Variants in PADI2 observed in about 807,000 individuals in gnomAD.
PADI2 encodes protein-arginine deiminase type-2.
In PADI2, 70 loss-of-function variants were observed where a neutral mutation model predicts 81.1. The observed-to-expected ratio is 0.86, with a 90% CI of 0.71 to 1.05. The LOEUF is 1.05. PADI2 is among the 50% of genes least tolerant of loss of function. The pLI, the probability that PADI2 is intolerant of heterozygous loss-of-function variation, is 0.00. For missense variants in PADI2, 853 were observed against 889.9 expected (o/e 0.96, Z 0.53); for synonymous variants, 338 against 358.0 (o/e 0.94, Z 0.63).
intron 3 of PADI2, among the ~76,000 whole-genome samples, chr1:17,101,132 T>G (rs1202962049): frequency 6.6e-6 from 1 of 152,122 alleles, no homozygotes. Flanking sequence ...CTCGGAAGGA[T>G]GAACTTGGTC....
chr1:17,102,924 G>T, intron 3 of PADI2, 63 bp downstream of exon 3: 1 of 1,268,354 alleles, frequency 7.9e-7, no homozygotes, highest in Non-Finnish European at 1.1e-6. Context: ...GTGCCCCAGA[G>T]AAGGACAACA....
chr1:17,071,326 C>T (rs759456113), intron 14 of PADI2, 80 bp downstream of exon 14: 11 of 1,058,326 alleles, frequency 1.0e-5, no homozygotes, highest in African/African-American at 3.1e-5. Flanking sequence ...CCATTCTCTA[C>T]GGAAGCCCCA....
rs1570984716 is a variant in PADI2, at chr1:17,083,412, C to T, written c.1050+314G>A. The T allele has an allele frequency of 1.0e-5, 3 of 292,610 alleles. No homozygotes were observed. In the East Asian group the frequency reaches 2.2e-4, roughly 21 times the overall value. 18.1% of individuals were successfully genotyped at this position (292,610 alleles called of 1,614,324 possible). On this transcript the variant is annotated intron_variant, in intron 9 of 15. Coordinates refer to ENST00000375486, the MANE Select transcript of PADI2 (RefSeq NM_007365.3). ...TGTTTTCCGTTGAGTAACAACTTAA[C>T]TTGAAGCACATCCTGTATCCATATT...
intron 15 of PADI2, 49 bp downstream of exon 15, chr1:17,070,039 G>C (rs545443320): frequency 6.3e-7 from 1 of 1,583,074 alleles, no homozygotes; most frequent in East Asian, 2.3e-5. Flanking sequence ...TCTGGATCTG[G>C]CTGCCCTGTA....
chr1:17,075,214 C>A, intron 12 of PADI2: 1 of 412,110 alleles, frequency 2.4e-6, no homozygotes, highest in South Asian at 3.4e-5. Context: ...AGCAGCCACA[C>A]AATTTGCAGA....
chr1:17,088,981 C>G (rs957968959), intron 6 of PADI2, among the ~76,000 whole-genome samples: 1 of 150,422 alleles, frequency 6.6e-6, no homozygotes, highest in Admixed American at 6.6e-5. Flanking sequence ...GTTTACTCAT[C>G]TGTTAAGTGG....
intron 3 of PADI2, among the ~76,000 whole-genome samples, chr1:17,100,333 G>A (rs1242431231): frequency 2.6e-5 from 4 of 152,156 alleles, no homozygotes; most frequent in African/African-American, 4.8e-5. Flanking sequence ...CGCCGAGGCT[G>A]GAGTGCAGTG....
In PADI2 at chr1:17,115,310, G is replaced by A. The variant is rs75749608; in HGVS notation, c.92+3970C>T. Among the ~76,000 whole-genome samples the A allele has an allele frequency of 2.0e-5, 3 of 152,230 alleles. No homozygotes were observed. The highest frequency in any genetic ancestry group is 4.8e-5 in the African/African-American group (2 of 41,446). On this transcript the variant is annotated intron_variant, in intron 1 of 15. Coordinates refer to ENST00000375486, the MANE Select transcript of PADI2 (RefSeq NM_007365.3). This position sits in a 1 kb window ranked among gnomAD's most constrained non-coding sequence, Gnocchi z 4.1. ...ATCCTCCCACCTCCACCTCACAGAC[G>A]CAGCTGGAACCTCTGCACAGGCAAA... is the stretch of plus-strand genomic sequence containing the variant.
chr1:17,071,770 G>A (rs532253481), intron 13 of PADI2, among the ~76,000 whole-genome samples: 1 of 152,308 alleles, frequency 6.6e-6, no homozygotes, highest in African/African-American at 2.4e-5. Context: ...AGTGGGATCA[G>A]GGGTGCTACA....
rs1487146017 is a variant in PADI2 at position 17,115,935 on chromosome 1, G to A, written c.92+3345C>T. ...AGCAGTCAGAATGAGGCTAGGTCAA[G>A]GCATCCATCCCCAGGGGGGCCAGTT... is the stretch of plus-strand genomic sequence containing the variant. On this transcript the variant is annotated intron_variant, in intron 1 of 15. Transcript: ENST00000375486. The surrounding 1 kb of genome is among the most constrained non-coding windows in gnomAD (Gnocchi z 4.1). Among the ~76,000 whole-genome samples, 5 of 152,216 alleles carry A rather than the reference G, an allele frequency of 3.3e-5. No homozygotes were observed. The highest frequency in any genetic ancestry group is 7.2e-5 in the African/African-American group (3 of 41,450).
intron 11 of PADI2, 37 bp from the exon 12 acceptor site, chr1:17,075,860 C>G: frequency 1.2e-6 from 2 of 1,603,214 alleles, no homozygotes; most frequent in Non-Finnish European, 8.5e-7. Flanking sequence ...AGCAAATTAC[C>G]CACCGCACCA....
chr1:17,084,763 G>A, intron 7 of PADI2, 61 bp from the exon 8 acceptor site: 1 of 1,004,054 alleles, frequency 1.0e-6, no homozygotes, highest in Non-Finnish European at 1.5e-6. Flanking sequence ...TTCTTTGCCT[G>A]CCTTTCAAAG....
intron 4 of PADI2, among the ~76,000 whole-genome samples, chr1:17,095,056 T>G (rs1930864274): frequency 6.6e-6 from 1 of 152,236 alleles, no homozygotes; most frequent in African/African-American, 2.4e-5. Context: ...TTTTACTTCG[T>G]AAGTACCCCT....
chr1:17,095,562 C>G (rs1270334746), intron 4 of PADI2, among the ~76,000 whole-genome samples: 1 of 152,196 alleles, frequency 6.6e-6, no homozygotes, highest in Non-Finnish European at 1.5e-5. Flanking sequence ...TCCTGAGGGT[C>G]TGTCTCCCCC....
rs1240295033 is a variant in PADI2 at position 17,084,519 on chromosome 1, AG to A, written c.938+79del. The A allele has an allele frequency of 5.9e-5, 47 of 793,980 alleles. No individual in the cohort carries two copies. The East Asian group carries it at 1.2e-3, about 21-fold the overall frequency. 49.2% of individuals were successfully genotyped at this position (793,980 alleles called of 1,614,324 possible). On this transcript the variant is annotated intron_variant, in intron 8 of 15. Coordinates refer to ENST00000375486, the MANE Select transcript of PADI2 (RefSeq NM_007365.3). Reference sequence around the variant, plus strand: ...TAACACAGTGGTAAGTGACGGGGCCAGGAACTAGACTCATGTCCATCTGACT... The same window carrying A: ...TAACACAGTGGTAAGTGACGGGGCCAGAACTAGACTCATGTCCATCTGACT...
chr1:17,070,245 C>T, intron 14 of PADI2, 29 bp from the exon 15 acceptor site: 5 of 1,611,536 alleles, frequency 3.1e-6, no homozygotes, highest in Non-Finnish European at 4.2e-6. Flanking sequence ...GGAGGGCATG[C>T]AGGTGAGGGG....
rs1372847956 is a variant in PADI2 at position 17,070,683 on chromosome 1, AC to A, written c.1636-468del. ...ATTCCCTTTTAATTTTTTTTTTAAG[AC>A]TGAGTCTCACTCTGTTGCCCACGCC... On this transcript the variant is annotated intron_variant, in intron 14 of 15. Coordinates refer to ENST00000375486, the MANE Select transcript of PADI2 (RefSeq NM_007365.3). 5.3e-5 allele frequency among the ~76,000 whole-genome samples: 8 copies of A among 152,066 alleles called. No homozygotes were observed. The East Asian group carries it at 1.5e-3, about 29-fold the overall frequency.
At chr1:17,113,791 G>A (rs1050795784) in intron 1 of PADI2, among the ~76,000 whole-genome samples, 4 of 152,174 alleles carry the variant, frequency 2.6e-5, no homozygotes, top group Admixed American at 1.3e-4. Flanking sequence ...AAGGTCTGGC[G>A]TGGCTGGGCA....
chr1:17,105,424 T>G (rs547093134), intron 1 of PADI2, among the ~76,000 whole-genome samples: 1 of 151,972 alleles, frequency 6.6e-6, no homozygotes, highest in South Asian at 2.1e-4. Context: ...AGGCAGAGTT[T>G]CACTCTTGTT....
Sources: allele counts gnomAD v4.1 joint callset (sites outside exome capture counted in the v4.1 genomes callset), GRCh38; gene constraint gnomAD v4.1.1; non-coding constraint Gnocchi (gnomAD v3.1); transcripts MANE v1.5; gene names NCBI Gene and HGNC (gene_info 2026-07-23, HGNC 2026-07-21).